The following SYN2 variants were observed in gnomAD, a reference collection of about 807,000 sequenced individuals.
The protein encoded by SYN2 is synapsin-2.
Under a neutral mutation model 50.9 loss-of-function variants are expected in SYN2, and 19 were observed. The observed-to-expected ratio is 0.37, with a 90% CI of 0.26 to 0.55. SYN2 has a LOEUF of 0.55. SYN2 is among the 20% of genes least tolerant of loss of function. The pLI is 0.81. For synonymous variants in SYN2, 255 were observed against 224.9 expected, an observed-to-expected ratio of 1.13 and a Z score of -1.20; for missense variants, 587 against 576.4, an observed-to-expected ratio of 1.02 and a Z score of -0.19.
At chr3:12,149,885 A>G (rs1455468654) in intron 4 of SYN2, among the ~76,000 whole-genome samples, 1 of 152,212 alleles carries the variant, frequency 6.6e-6, no homozygotes, top group Non-Finnish European at 1.5e-5. Context: ...TAATAAAGAG[A>G]TATTCTTTAT....
At chr3:12,095,528 A>G (rs1282065892) in intron 1 of SYN2, among the ~76,000 whole-genome samples, 2 of 106,242 alleles carry the variant, frequency 1.9e-5, no homozygotes, top group African/African-American at 3.8e-5. Context: ...AGCCTGGGCG[A>G]CAAAGCGAGA....
At chr3:12,005,180 A>C (rs1345118797) in intron 1 of SYN2, among the ~76,000 whole-genome samples, 1 of 152,118 alleles carries the variant, frequency 6.6e-6, no homozygotes, top group South Asian at 2.1e-4. Flanking sequence ...GGTCCCATAC[A>C]AGAAGGAGCT....
Position 12,153,534 on chromosome 3 carries a change from A to G in SYN2, c.774+2208A>G. 4 of 1,613,744 alleles carry G rather than the reference A, an allele frequency of 2.5e-6. No homozygotes were observed. The South Asian group carries it at 3.3e-5, about 13-fold the overall frequency. On this transcript the variant is annotated intron_variant, in intron 5 of 12. Coordinates refer to ENST00000621198, the MANE Select transcript of SYN2 (RefSeq NM_133625.6). The stretch of plus-strand genomic sequence containing the variant: ...TCCCTACTAGGGCTGAACGATGTCA[A>G]CAAACTCCTTCCTGAGAGGCAGGTG...
At chr3:12,065,457 C>T (rs1216550245) in intron 1 of SYN2, among the ~76,000 whole-genome samples, 1 of 152,082 alleles carries the variant, frequency 6.6e-6, no homozygotes. Flanking sequence ...AACATAGGTG[C>T]TCAACAGTGG....
At chr3:12,139,420 A>G (rs1696967001) in intron 1 of SYN2, among the ~76,000 whole-genome samples, 1 of 152,114 alleles carries the variant, frequency 6.6e-6, no homozygotes, top group Non-Finnish European at 1.5e-5. Context: ...ATAGATCACC[A>G]GGGGGAGACA....
chr3:12,052,717 A>G (rs1057429409), intron 1 of SYN2, among the ~76,000 whole-genome samples: 1 of 152,204 alleles, frequency 6.6e-6, no homozygotes, highest in Non-Finnish European at 1.5e-5. Flanking sequence ...TGTAATCAAG[A>G]TTACCCATAG....
At chr3:12,037,779 A>G (rs571936049) in intron 1 of SYN2, among the ~76,000 whole-genome samples, 1 of 152,322 alleles carries the variant, frequency 6.6e-6, no homozygotes, top group African/African-American at 2.4e-5. Context: ...CCAACATAAG[A>G]ACTTTGGGGG....
chr3:12,029,308 T>C (rs1475612667), intron 1 of SYN2, among the ~76,000 whole-genome samples: 2 of 128,944 alleles, frequency 1.6e-5, no homozygotes, highest in East Asian at 2.2e-4. Context: ...AGTCAGGTAG[T>C]GTGATGCCTC....
In SYN2 at chr3:12,033,753, G is replaced by A. The variant is rs537123696; in HGVS notation, c.377+28825G>A. Among the ~76,000 whole-genome samples, 6 of 152,214 alleles carry A rather than the reference G, an allele frequency of 3.9e-5. No homozygotes were observed. The East Asian group carries it at 1.2e-3, about 29-fold the overall frequency. The stretch of plus-strand genomic sequence containing the variant: ...CTTATTATAAGCATTTCATATAAAT[G>A]GAACCATACAATATGTGGCCTTTTG... On this transcript the variant is annotated intron_variant, in intron 1 of 12. Transcript: ENST00000621198.
chr3:12,049,035 G>A (rs1322878328), intron 1 of SYN2, among the ~76,000 whole-genome samples: 1 of 152,214 alleles, frequency 6.6e-6, no homozygotes, highest in Non-Finnish European at 1.5e-5. Flanking sequence ...TGTGAAATTA[G>A]AAGCCCTTGA....
chr3:12,145,363 C>T (rs1435370909), intron 3 of SYN2, among the ~76,000 whole-genome samples: 1 of 152,154 alleles, frequency 6.6e-6, no homozygotes, highest in Admixed American at 6.5e-5. Context: ...AAAGTAAGAC[C>T]CTGTCTCTCC....
intron 1 of SYN2, among the ~76,000 whole-genome samples, chr3:12,105,972 A>C (rs1696180073): frequency 1.3e-5 from 2 of 152,164 alleles, no homozygotes; most frequent in Admixed American, 6.5e-5. Context: ...TCCATAGGTC[A>C]GTAATCTACA....
At chr3:12,008,618 G>A (rs1173187991) in intron 1 of SYN2, among the ~76,000 whole-genome samples, 1 of 152,068 alleles carries the variant, frequency 6.6e-6, no homozygotes, top group Non-Finnish European at 1.5e-5. Context: ...TAGTGCTAAG[G>A]GTATGGCAAT....
At chr3:12,091,300 G>A (rs1248514033) in intron 1 of SYN2, among the ~76,000 whole-genome samples, 2 of 152,142 alleles carry the variant, frequency 1.3e-5, no homozygotes, top group Non-Finnish European at 2.9e-5. Flanking sequence ...AAGGAGCATG[G>A]AGCTATAAGA....
Position 12,161,623 on chromosome 3 carries a change from C to A in SYN2, c.837+15C>A. On this transcript the variant is annotated intron_variant, in intron 6 of 12. Coordinates refer to ENST00000621198, the MANE Select transcript of SYN2 (RefSeq NM_133625.6). Reference sequence around the variant, plus strand: ...GCATGGGCAAGGTGAGGCAGAGAGGCCTGCTGTGCTTCAGGGTTGAACCAA... The same window carrying A: ...GCATGGGCAAGGTGAGGCAGAGAGGACTGCTGTGCTTCAGGGTTGAACCAA... 1 of 1,613,940 alleles carries A rather than the reference C, an allele frequency of 6.2e-7. No homozygotes were observed. Among genetic ancestry groups the A allele is most frequent in the Non-Finnish European group, 8.5e-7 (1 of 1,179,868 alleles).
In SYN2 at chr3:12,172,440, C is replaced by T. The variant is rs187106853; in HGVS notation, c.1308+2534C>T. Reference sequence around the variant, plus strand: ...AACTCACTGAAAGCTATTATACTCACAGTTACAGTATATTATGGGGAACGG... The same window carrying T: ...AACTCACTGAAAGCTATTATACTCATAGTTACAGTATATTATGGGGAACGG... On this transcript the variant is annotated intron_variant, in intron 10 of 12. Transcript: ENST00000621198. Among the ~76,000 whole-genome samples the T allele has an allele frequency of 5.9e-5, 9 of 152,308 alleles. No homozygotes were observed. The East Asian group carries it at 1.5e-3, about 26-fold the overall frequency.
At chr3:12,004,960 CG>C in intron 1 of SYN2, 32 bp downstream of exon 1, 1 of 476,386 alleles carries the variant, frequency 2.1e-6, no homozygotes, top group Non-Finnish European at 3.7e-6. Context: ...CCTCGGGGGT[CG>C]GGGTCCGCCG....
At chr3:12,065,659 G>A (rs531009601) in intron 1 of SYN2, among the ~76,000 whole-genome samples, 10 of 152,130 alleles carry the variant, frequency 6.6e-5, no homozygotes, top group Admixed American at 5.2e-4. Context: ...TTGGGTACTC[G>A]TAGACATAAA....
rs777885073 is a variant in SYN2 at position 12,140,647 on chromosome 3, C to T, written c.378-4C>T. 34 of 757,858 alleles carry T rather than the reference C, an allele frequency of 4.5e-5. 2 individuals carry two copies. The highest frequency in any genetic ancestry group is 4.4e-4 in the South Asian group (31 of 70,610). 46.9% of individuals were successfully genotyped at this position (757,858 alleles called of 1,614,324 possible). A position where few individuals can be genotyped will look rare whatever the true frequency, so the allele number is the denominator to read the frequency against. ...AATTTGTGTGGGTTTATTCTTTTCT[C>T]CAGGGCCAAGTGCTTTCGGGGCAAA... On this transcript the variant is annotated splice_region_variant and splice_polypyrimidine_tract_variant and intron_variant, in intron 1 of 12. Coordinates refer to ENST00000621198, the MANE Select transcript of SYN2 (RefSeq NM_133625.6).
Sources: gnomAD v4.1 joint callset for allele counts (sites outside exome capture counted in the v4.1 genomes callset) on GRCh38, gnomAD v4.1.1 for gene constraint, MANE v1.5 for transcripts, NCBI Gene and HGNC (gene_info 2026-07-23, HGNC 2026-07-21) for gene names.